The following RNF185 variants were observed in gnomAD, a reference collection of about 807,000 sequenced individuals.
RNF185 encodes the protein ring finger protein 185, also known as E3 ubiquitin-protein ligase RNF185.
In RNF185, 13 loss-of-function variants were observed where a neutral mutation model predicts 24.9. That is an observed-to-expected ratio of 0.52 (90% CI 0.34 to 0.83). RNF185 has a LOEUF of 0.83. RNF185 is among the 40% of genes least tolerant of loss of function. RNF185 has a pLI of 0.01. For missense variants in RNF185, 184 were observed against 244.7 expected, an observed-to-expected ratio of 0.75 and a Z score of 1.65; for synonymous variants, 79 against 90.3, an observed-to-expected ratio of 0.88 and a Z score of 0.71.
rs1205981413 is a variant in RNF185 at position 31,187,080 on chromosome 22, C to T, written c.-15C>T. ...TGGGGAAAGTCTTCACTCAGAGCTT[C>T]GCTGACAGCCAAGGATGGCAAGCAA... On this transcript the variant is annotated 5_prime_UTR_variant, in exon 2 of 7. Transcript: ENST00000326132. The T allele has an allele frequency of 3.1e-6, 5 of 1,599,978 alleles. No individual in the cohort carries two copies. Among genetic ancestry groups the T allele is most frequent in the Non-Finnish European group, 4.3e-6 (5 of 1,174,690 alleles).
intron 1 of RNF185, among the ~76,000 whole-genome samples, chr22:31,172,776 C>G (rs1174235791): frequency 6.7e-6 from 1 of 149,748 alleles, no homozygotes; most frequent in African/African-American, 2.5e-5. Flanking sequence ...AAAGCAAAAC[C>G]CTTATTTTTT....
Position 31,187,201 on chromosome 22 carries a change from C to CT in RNF185, c.110dup (p.Glu38ArgfsTer35). On this transcript the variant is annotated frameshift_variant, in exon 2 of 7. Coordinates refer to ENST00000326132, the MANE Select transcript of RNF185 (RefSeq NM_152267.4). LOFTEE classifies it high-confidence loss of function. ...GGCGAGAGCGGAGGGCAGGACAGCA[C>CT]TTTCGAGTGCAACATCTGCTTGGAC... The CT allele has an allele frequency of 3.1e-6, 5 of 1,614,106 alleles. No individual in the cohort carries two copies. The highest frequency in any genetic ancestry group is 3.4e-6 in the Non-Finnish European group (4 of 1,179,962).
intron 2 of RNF185, among the ~76,000 whole-genome samples, chr22:31,189,449 G>T (rs1188999145): frequency 6.7e-6 from 1 of 149,222 alleles, no homozygotes; most frequent in Non-Finnish European, 1.5e-5. Context: ...GCACCACCAC[G>T]CCCGGCTAAT....
At chr22:31,160,754 T>A (rs1923519283) in intron 1 of RNF185, among the ~76,000 whole-genome samples, 1 of 152,186 alleles carries the variant, frequency 6.6e-6, no homozygotes, top group African/African-American at 2.4e-5. Flanking sequence ...TTCCCTGTGC[T>A]GGGCCTCAGT....
chr22:31,162,915 C>T (rs976157643), intron 1 of RNF185, among the ~76,000 whole-genome samples: 3 of 151,942 alleles, frequency 2.0e-5, no homozygotes, highest in Non-Finnish European at 4.4e-5. Context: ...CAGGCGCCCA[C>T]CCCGATGACT....
Position 31,205,850 on chromosome 22 carries a change from C to CT in RNF185, c.*1266dup, listed in dbSNP as rs1395735081. On this transcript the variant is annotated 3_prime_UTR_variant, in exon 7 of 7. Coordinates refer to ENST00000326132, the MANE Select transcript of RNF185 (RefSeq NM_152267.4). Reference sequence around the variant, plus strand: ...CCTGTGGAATCGAGGGGAAATTATTCTTCCCAATACCTTGATTTGATTTTC... The same window carrying CT: ...CCTGTGGAATCGAGGGGAAATTATTCTTTCCCAATACCTTGATTTGATTTTC... The CT allele has an allele frequency of 1.3e-5, 2 of 152,482 alleles. No homozygotes were observed. The highest frequency in any genetic ancestry group is 2.9e-5 in the Non-Finnish European group (2 of 68,212). 9.4% of individuals were successfully genotyped at this position (152,482 alleles called of 1,614,324 possible). A position where few individuals can be genotyped will look rare whatever the true frequency, so the allele number is the denominator to read the frequency against.
intron 3 of RNF185, among the ~76,000 whole-genome samples, chr22:31,194,088 G>A (rs2048181044): frequency 6.6e-6 from 1 of 151,284 alleles, no homozygotes; most frequent in African/African-American, 2.4e-5. Flanking sequence ...AGAGACAACG[G>A]AGTTTCACCA....
chr22:31,199,517 C>T (rs1028637920), intron 5 of RNF185, among the ~76,000 whole-genome samples: 4 of 152,226 alleles, frequency 2.6e-5, no homozygotes, highest in African/African-American at 4.8e-5. Context: ...GCACCTGCAG[C>T]TACTAGCGAT....
intron 1 of RNF185, among the ~76,000 whole-genome samples, chr22:31,163,528 A>G (rs138119858): frequency 4.8e-4 from 72 of 151,226 alleles, no homozygotes; most frequent in African/African-American, 1.3e-3. Flanking sequence ...AGGTCTCACT[A>G]TGTTGCCCAG....
intron 1 of RNF185, among the ~76,000 whole-genome samples, chr22:31,172,674 A>AG (rs2047941671): frequency 6.9e-6 from 1 of 145,384 alleles, no homozygotes; most frequent in African/African-American, 2.6e-5. Context: ...ACTTGAACCC[A>AG]GGAAGCAGAG....
intron 4 of RNF185, among the ~76,000 whole-genome samples, chr22:31,196,720 C>A (rs112484870): frequency 6.6e-6 from 1 of 152,190 alleles, no homozygotes. Context: ...TATCTCATAA[C>A]GAGTTGATTT....
intron 5 of RNF185, among the ~76,000 whole-genome samples, chr22:31,199,097 CTCA>C (rs2048237256): frequency 4.2e-5 from 2 of 48,178 alleles, no homozygotes; most frequent in Non-Finnish European, 6.6e-5. Context: ...AAGACTCTGT[CTCA>C]AAAAAAAAAA....
chr22:31,165,689 A>T (rs1923877561), intron 1 of RNF185, among the ~76,000 whole-genome samples: 1 of 152,198 alleles, frequency 6.6e-6, no homozygotes, highest in African/African-American at 2.4e-5. Context: ...GCCATGGGCA[A>T]GTGAAAGGAA....
At chr22:31,185,498 A>G (rs1471880467) in intron 1 of RNF185, among the ~76,000 whole-genome samples, 1 of 152,186 alleles carries the variant, frequency 6.6e-6, no homozygotes, top group Non-Finnish European at 1.5e-5. Flanking sequence ...GATGACCTGG[A>G]GAGGCACAGT....
At chr22:31,174,768 T>C (rs2047964536) in intron 1 of RNF185, among the ~76,000 whole-genome samples, 1 of 152,132 alleles carries the variant, frequency 6.6e-6, no homozygotes, top group Non-Finnish European at 1.5e-5. Flanking sequence ...ACATTCTTTG[T>C]ATTTAAAAAT....
intron 1 of RNF185, among the ~76,000 whole-genome samples, chr22:31,174,450 G>A (rs5997897): frequency 0.63 from 96,138 of 151,872 alleles, 31,694 homozygotes; most frequent in African/African-American, 0.75. Flanking sequence ...CGTCATCATC[G>A]CTCACTGCAG....
intron 2 of RNF185, among the ~76,000 whole-genome samples, chr22:31,187,797 TATAG>T (rs1028902302): frequency 7.2e-5 from 11 of 152,350 alleles, no homozygotes; most frequent in African/African-American, 2.4e-4. Context: ...TATGTTTATA[TATAG>T]ATAGATACAC....
At chr22:31,173,566 T>C (rs2047953307) in intron 1 of RNF185, among the ~76,000 whole-genome samples, 1 of 152,156 alleles carries the variant, frequency 6.6e-6, no homozygotes, top group African/African-American at 2.4e-5. Flanking sequence ...GTTAAGGACG[T>C]TGGCTTGGGT....
intron 1 of RNF185, among the ~76,000 whole-genome samples, chr22:31,162,549 A>T (rs1025801077): frequency 2.0e-5 from 3 of 152,058 alleles, no homozygotes; most frequent in African/African-American, 7.2e-5. Context: ...AGGTCCTGCA[A>T]TAAGGAAATG....
Sources: allele counts gnomAD v4.1 joint callset (sites outside exome capture counted in the v4.1 genomes callset), GRCh38; gene constraint gnomAD v4.1.1; transcripts MANE v1.5; gene names NCBI Gene and HGNC (gene_info 2026-07-23, HGNC 2026-07-21).